PIK3R3: variants seen among roughly 807,000 people sequenced by gnomAD.
The protein encoded by PIK3R3 is phosphatidylinositol 3-kinase regulatory subunit gamma.
A neutral mutation model predicts 62.9 loss-of-function variants in PIK3R3; 64 were observed. The ratio of observed to expected loss-of-function variants is 1.02; its 90% CI spans 0.83 to 1.25. The LOEUF is 1.25. Ranked by LOEUF, PIK3R3 falls within the 50% of genes most tolerant of loss-of-function variation. The pLI, the probability that PIK3R3 is intolerant of heterozygous loss-of-function variation, is 0.00. For synonymous variants in PIK3R3, 165 were observed against 189.0 expected (o/e 0.87, Z 1.04); for missense variants, 614 against 561.6 (o/e 1.09, Z -0.94).
At chr1:46,147,385 G>A in the PIK3R3 span, among the ~76,000 whole-genome samples, 28 of 152,246 alleles carry the variant, frequency 1.8e-4, no homozygotes, top group Admixed American at 1.5e-3. Context: ...GATTACAGGC[G>A]TGAGCCACCA....
At chr1:46,158,102 T>C in the PIK3R3 span, among the ~76,000 whole-genome samples, 1 of 152,172 alleles carries the variant, frequency 6.6e-6, no homozygotes, top group African/African-American at 2.4e-5. Context: ...TACAGCCTCC[T>C]GGGTCACCCC....
chr1:46,065,782 T>A (rs1056613485), intron 5 of PIK3R3, among the ~76,000 whole-genome samples: 7 of 152,242 alleles, frequency 4.6e-5, no homozygotes, highest in African/African-American at 1.7e-4. Context: ...CTAACACCCC[T>A]GTAGTGCCTA....
intron 3 of PIK3R3, 101 bp from the exon 4 acceptor site, chr1:46,067,192 C>A: frequency 1.3e-6 from 1 of 796,836 alleles, no homozygotes; most frequent in Non-Finnish European, 2.0e-6. Flanking sequence ...ACATGATAAA[C>A]AAGTTTTACT....
At chr1:46,071,261 A>G (rs1649450624) in intron 3 of PIK3R3, among the ~76,000 whole-genome samples, 1 of 152,070 alleles carries the variant, frequency 6.6e-6, no homozygotes, top group South Asian at 2.1e-4. Context: ...TTTAAATTTT[A>G]TATATTTTTT....
chr1:46,056,057 TTTTTTTCCC>T, intron 6 of PIK3R3, 86 bp from the exon 7 acceptor site: 2 of 815,436 alleles, frequency 2.5e-6, no homozygotes, highest in Non-Finnish European at 3.7e-6. Context: ...ATATCCTTTT[TTTTTTTCCC>T]TTGAGATTGA....
the PIK3R3 span, among the ~76,000 whole-genome samples, chr1:46,145,274 G>T: frequency 6.6e-6 from 1 of 152,006 alleles, no homozygotes. Flanking sequence ...AGACTGTCAA[G>T]GGAGTCTTTG....
intron 7 of PIK3R3, among the ~76,000 whole-genome samples, chr1:46,048,626 T>A (rs1647178800): frequency 6.6e-6 from 1 of 152,160 alleles, no homozygotes; most frequent in Non-Finnish European, 1.5e-5. Flanking sequence ...CATTTTCTCT[T>A]GAATCCCCAT....
At chr1:46,086,979 G>A (rs977646501) in intron 1 of PIK3R3, among the ~76,000 whole-genome samples, 12 of 151,998 alleles carry the variant, frequency 7.9e-5, no homozygotes, top group African/African-American at 2.9e-4. Flanking sequence ...TCCCTACAAA[G>A]GACATAAACC....
chr1:46,140,114 G>A, the PIK3R3 span, among the ~76,000 whole-genome samples: 7 of 152,192 alleles, frequency 4.6e-5, no homozygotes, highest in Middle Eastern at 3.4e-3. Flanking sequence ...TCAGCCTCCC[G>A]AGTAGCTGGG....
At chr1:46,059,584 C>T (rs560479607) in intron 6 of PIK3R3, among the ~76,000 whole-genome samples, 9 of 151,468 alleles carry the variant, frequency 5.9e-5, no homozygotes, top group African/African-American at 9.7e-5. Context: ...GGAAGCTGAG[C>T]GGGGAGGATT....
At position 46,041,993 on chromosome 1, in the gene PIK3R3, T is replaced by C; in HGVS notation, c.*1680A>G. 4.5e-6 allele frequency: 1 copy of C among 221,808 alleles called. No individual in the cohort carries two copies. Among genetic ancestry groups the C allele is most frequent in the East Asian group, 6.6e-5 (1 of 15,178 alleles). 13.7% of individuals were successfully genotyped at this position (221,808 alleles called of 1,614,324 possible). ...TCTTTCACCCCCAGAACTAGAGCTT[T>C]CCTAGCTGTAAGCCTTATAAACCAA... On this transcript the variant is annotated 3_prime_UTR_variant, in exon 10 of 10. Coordinates refer to ENST00000262741, the MANE Select transcript of PIK3R3 (RefSeq NM_003629.4).
At chr1:46,147,153 C>A in the PIK3R3 span, among the ~76,000 whole-genome samples, 1 of 152,148 alleles carries the variant, frequency 6.6e-6, no homozygotes, top group East Asian at 1.9e-4. Context: ...GTCGCCCAGA[C>A]TTTGGAGTGC....
chr1:46,073,311 T>A (rs1356372340), intron 3 of PIK3R3, among the ~76,000 whole-genome samples: 1 of 152,222 alleles, frequency 6.6e-6, no homozygotes, highest in African/African-American at 2.4e-5. Flanking sequence ...ATTTAAATTT[T>A]TCAATTGAGT....
At chr1:46,115,555 T>C (rs1473279248) in intron 1 of PIK3R3, among the ~76,000 whole-genome samples, 1 of 152,216 alleles carries the variant, frequency 6.6e-6, no homozygotes, top group African/African-American at 2.4e-5. Context: ...ATATTTTATC[T>C]GGCAATACTA....
At chr1:46,163,442 A>C in the PIK3R3 span, among the ~76,000 whole-genome samples, 1 of 152,218 alleles carries the variant, frequency 6.6e-6, no homozygotes, top group African/African-American at 2.4e-5. Context: ...AGCTGTCTGC[A>C]GGAATTCCAG....
At chr1:46,133,947 C>T (rs74523130), upstream of PIK3R3, among the ~76,000 whole-genome samples, 31,886 of 152,152 alleles carry the variant, frequency 0.21, 3,760 homozygotes, top group Non-Finnish European at 0.26. Context: ...TTCCCACCCC[C>T]AAAGCTTAAA....
chr1:46,093,006 A>T (rs1651789262), intron 1 of PIK3R3, among the ~76,000 whole-genome samples: 1 of 152,214 alleles, frequency 6.6e-6, no homozygotes, highest in South Asian at 2.1e-4. Context: ...CTCCAACCAT[A>T]AGTGGACCCT....
At chr1:46,161,886 A>G in the PIK3R3 span, among the ~76,000 whole-genome samples, 2 of 150,984 alleles carry the variant, frequency 1.3e-5, no homozygotes, top group Non-Finnish European at 1.5e-5. Context: ...AGGTCAGGAG[A>G]TCGAGACCAT....
Position 46,045,973 on chromosome 1 carries a change from C to T in PIK3R3, c.1132G>A (p.Gly378Ser). The T allele has an allele frequency of 6.2e-7, 1 of 1,613,616 alleles. No individual in the cohort carries two copies. Among genetic ancestry groups the T allele is most frequent in the Non-Finnish European group, 8.5e-7 (1 of 1,179,788 alleles). ...AEDLLYGKPDGAFLIRESSKK... is the reference protein window; with the variant it reads ...AEDLLYGKPDSAFLIRESSKK... Reference sequence around the variant, plus strand: ...CTACTCTCACGAATTAAGAATGCACCATCAGGTTTCCCATAAAGCAAGTCC... The same window carrying T: ...CTACTCTCACGAATTAAGAATGCACTATCAGGTTTCCCATAAAGCAAGTCC... Residue 378 changes from glycine (G) to serine (S), a missense_variant, in exon 9 of 10, where the codon GGT (glycine) becomes AGT (serine). Coordinates refer to ENST00000262741, the MANE Select transcript of PIK3R3 (RefSeq NM_003629.4).
Sources: gnomAD v4.1 joint callset for allele counts (sites outside exome capture counted in the v4.1 genomes callset) on GRCh38, gnomAD v4.1.1 for gene constraint, MANE v1.5 for transcripts, NCBI Gene and HGNC (gene_info 2026-07-23, HGNC 2026-07-21) for gene names.